PTPRM: variants seen among roughly 807,000 people sequenced by gnomAD.
PTPRM encodes the protein receptor-type tyrosine-protein phosphatase mu.
A neutral mutation model predicts 186.7 loss-of-function variants in PTPRM; 47 were observed. The ratio of observed to expected loss-of-function variants is 0.25; its 90% confidence interval spans 0.20 to 0.32. The LOEUF is 0.32. PTPRM is among the 10% of genes least tolerant of loss of function. The pLI is 1.00. For synonymous variants in PTPRM, 668 were observed against 674.9 expected, an observed-to-expected ratio of 0.99 and a Z score of 0.16; for missense variants, 1,494 against 1,865.0, an observed-to-expected ratio of 0.80 and a Z score of 3.66.
chr18:8,088,547 G>A (rs960265904), intron 10 of PTPRM, among the ~76,000 whole-genome samples: 1 of 152,184 alleles, frequency 6.6e-6, no homozygotes, highest in Non-Finnish European at 1.5e-5. Context: ...CAAGATCACA[G>A]AGGACAGTAT....
At chr18:7,601,218 G>A (rs2037395267) in intron 1 of PTPRM, among the ~76,000 whole-genome samples, 1 of 152,194 alleles carries the variant, frequency 6.6e-6, no homozygotes, top group Non-Finnish European at 1.5e-5. Context: ...ACAGTTTCGT[G>A]GATCTTAAGT....
In PTPRM at chr18:7,912,463, T is replaced by TC. The variant is rs1384818710; in HGVS notation, c.547+5882dup. On this transcript the variant is annotated intron_variant, in intron 4 of 32. Transcript: ENST00000580170. ...TTTTGAAATTTGGATCAGTGGGTCT[T>TC]CCAAGTTTGTTCTTTTCTCATTATT... Among the ~76,000 whole-genome samples the TC allele has an allele frequency of 9.2e-5, 14 of 152,298 alleles. No homozygotes were observed. In the East Asian group the frequency reaches 2.7e-3, roughly 29 times the overall value.
At chr18:7,873,808 T>C (rs983460700) in intron 2 of PTPRM, among the ~76,000 whole-genome samples, 7 of 152,220 alleles carry the variant, frequency 4.6e-5, no homozygotes, top group Non-Finnish European at 8.8e-5. Context: ...TAAAAAATAC[T>C]ATTTTCATGT....
intron 24 of PTPRM, among the ~76,000 whole-genome samples, chr18:8,372,365 C>T (rs1445718537): frequency 6.9e-6 from 1 of 144,804 alleles, no homozygotes; most frequent in African/African-American, 2.7e-5. Context: ...TGAGCCACCG[C>T]GCCCGGCCTC....
At chr18:7,856,501 GGCTGAGACAGGAGGATT>G (rs2047101732) in intron 2 of PTPRM, among the ~76,000 whole-genome samples, 1 of 152,134 alleles carries the variant, frequency 6.6e-6, no homozygotes. Context: ...CAGCACGGAG[GGCTGAGACAGGAGGATT>G]GCTTGAGCCC....
intron 2 of PTPRM, among the ~76,000 whole-genome samples, chr18:7,792,866 T>A (rs1011337122): frequency 1.2e-4 from 19 of 152,132 alleles, no homozygotes; most frequent in African/African-American, 4.6e-4. Context: ...GGTCTTTCTG[T>A]GTTGCCCATG....
At chr18:8,261,902 A>G (rs2094635644) in intron 19 of PTPRM, among the ~76,000 whole-genome samples, 1 of 152,174 alleles carries the variant, frequency 6.6e-6, no homozygotes, top group South Asian at 2.1e-4. Flanking sequence ...CCACTTGTTA[A>G]CATGCTTTTA....
At chr18:7,869,999 G>T (rs1004281863) in intron 2 of PTPRM, among the ~76,000 whole-genome samples, 1 of 152,150 alleles carries the variant, frequency 6.6e-6, no homozygotes, top group Non-Finnish European at 1.5e-5. Context: ...GTTCTGAAAT[G>T]AAAAGTAAAA....
chr18:7,604,252 A>G (rs576499714), intron 1 of PTPRM, among the ~76,000 whole-genome samples: 15 of 152,296 alleles, frequency 9.8e-5, no homozygotes, highest in Non-Finnish European at 1.6e-4. Flanking sequence ...GAGGGGCCAG[A>G]TTTAGGATCT....
chr18:7,657,908 A>C (rs2038888699), intron 1 of PTPRM, among the ~76,000 whole-genome samples: 1 of 152,010 alleles, frequency 6.6e-6, no homozygotes, highest in African/African-American at 2.4e-5. Flanking sequence ...CCCCAGTTTT[A>C]CTGAGGTATA....
chr18:8,273,252 G>C (rs1243165841), intron 19 of PTPRM, among the ~76,000 whole-genome samples: 6 of 152,072 alleles, frequency 3.9e-5, no homozygotes, highest in Admixed American at 3.9e-4. Context: ...TCTTCCATTT[G>C]TTCTTAGGCT....
chr18:7,676,665 G>GTGTGTA (rs1555650407), intron 1 of PTPRM, among the ~76,000 whole-genome samples: 4 of 108,818 alleles, frequency 3.7e-5, no homozygotes, highest in African/African-American at 1.6e-4. Flanking sequence ...GTGTGTGTAT[G>GTGTGTA]TGTGTGTGTG....
chr18:7,678,331 C>A (rs1353492963), intron 1 of PTPRM, among the ~76,000 whole-genome samples: 2 of 152,096 alleles, frequency 1.3e-5, no homozygotes, highest in African/African-American at 2.4e-5. Flanking sequence ...TTCAAAGCAC[C>A]CTCTTCCATT....
intron 1 of PTPRM, among the ~76,000 whole-genome samples, chr18:7,717,279 C>T (rs940277273): frequency 2.0e-5 from 3 of 152,122 alleles, no homozygotes; most frequent in Non-Finnish European, 4.4e-5. Flanking sequence ...AAACCCCAGA[C>T]TCAGCTGGTA....
In PTPRM at chr18:7,673,870, C is replaced by T. The variant is rs527371733; in HGVS notation, c.74-100279C>T. Reference sequence around the variant, plus strand: ...CTGAGGGACACTGGGGTGAGCCACACGGCCTTTGGTAGCCTGGTGAAAGCA... The same window carrying T: ...CTGAGGGACACTGGGGTGAGCCACATGGCCTTTGGTAGCCTGGTGAAAGCA... On this transcript the variant is annotated intron_variant, in intron 1 of 32. Coordinates refer to ENST00000580170, the MANE Select transcript of PTPRM (RefSeq NM_001105244.2). 1.7e-4 allele frequency among the ~76,000 whole-genome samples: 26 copies of T among 152,292 alleles called. No individual in the cohort carries two copies. In the South Asian group the frequency reaches 3.9e-3, roughly 23 times the overall value.
rs2095625569 is a variant in PTPRM at position 8,365,827 on chromosome 18, C to T, written c.3055-5063C>T. On this transcript the variant is annotated intron_variant, in intron 23 of 32. Coordinates refer to ENST00000580170, the MANE Select transcript of PTPRM (RefSeq NM_001105244.2). ...TCCTTGGCCTCTGAATTCCTGTAGA[C>T]ATCTAGAGTCCAGATCACAAAACAA... 4 of 152,362 alleles carry T rather than the reference C, an allele frequency of 2.6e-5. No homozygotes were observed. In the South Asian group the frequency reaches 8.3e-4, roughly 32 times the overall value. The allele number at this position is 152,362 out of a possible 1,614,324, so 9.4% of individuals were successfully genotyped here.
chr18:8,049,070 C>T (rs2087276443), intron 7 of PTPRM, among the ~76,000 whole-genome samples: 1 of 152,176 alleles, frequency 6.6e-6, no homozygotes, highest in South Asian at 2.1e-4. Flanking sequence ...ATCATTTTGC[C>T]TCCTCCTGTT....
In PTPRM at chr18:8,195,152, C is replaced by CTTT. The variant is rs1164451439; in HGVS notation, c.2301-48885_2301-48883dup. Among the ~76,000 whole-genome samples, 786 of 117,028 alleles carry CTTT rather than the reference C, an allele frequency of 6.7e-3. 9 individuals carry two copies. Among genetic ancestry groups the CTTT allele is most frequent in the African/African-American group, 0.024 (753 of 30,914 alleles). The allele number at this position is 117,028 out of a possible 152,430, so 76.8% of individuals were successfully genotyped here. A position where few individuals can be genotyped will look rare whatever the true frequency, so the allele number is the denominator to read the frequency against. On this transcript the variant is annotated intron_variant, in intron 14 of 32. Transcript: ENST00000580170. ...AGTCAATTCTCAGCTCTTAGAAGTTCTTTTTTTTTTTTTTTTTTTTTTTAA... is the reference window on the plus strand; with the variant it reads ...AGTCAATTCTCAGCTCTTAGAAGTTCTTTTTTTTTTTTTTTTTTTTTTTTTTAA...
At chr18:8,067,275 T>A (rs1209723579) in intron 7 of PTPRM, among the ~76,000 whole-genome samples, 1 of 152,172 alleles carries the variant, frequency 6.6e-6, no homozygotes, top group Non-Finnish European at 1.5e-5. Context: ...TTATTAGAAG[T>A]TTTTATGAAC....
Sources: gnomAD v4.1 joint callset for allele counts (sites outside exome capture counted in the v4.1 genomes callset) on GRCh38, gnomAD v4.1.1 for gene constraint, MANE v1.5 for transcripts, NCBI Gene and HGNC (gene_info 2026-07-23, HGNC 2026-07-21) for gene names.